The following CFAP44 variants were observed in gnomAD, a reference collection of about 807,000 sequenced individuals.
CFAP44 encodes cilia and flagella associated protein 44.
Under a neutral mutation model 216.2 loss-of-function variants are expected in CFAP44, and 134 were observed. That is an observed-to-expected ratio of 0.62 (90% confidence interval 0.54 to 0.72). The LOEUF (loss-of-function observed/expected upper bound fraction) is 0.72, where lower values mean the gene tolerates loss of function less well. Ranked by LOEUF, CFAP44 falls within the 30% of genes least tolerant of loss-of-function variation. The pLI is 0.00. For missense variants in CFAP44, 2,035 were observed against 2,182.1 expected (o/e 0.93, Z 1.34); for synonymous variants, 700 against 727.6 (o/e 0.96, Z 0.61).
Position 113,363,157 on chromosome 3 carries a change from C to T in CFAP44, c.2922G>A (p.Gln974=). The change falls in exon 21 of 35, where the codon CAG becomes CAA. Residue 974 remains glutamine (Q), a synonymous_variant. Transcript: ENST00000393845. ...EMNEKLPKHM[Q]FKRTDFDVDS... is the part of the protein sequence containing the mutation. ...ATATTAGGCTTACTGTTCGTTTAAA[C>T]TGCATATGCTTTGGTAATTTTTCAT... 6.2e-7 allele frequency: 1 copy of T among 1,600,580 alleles called. No homozygotes were observed. The highest frequency in any genetic ancestry group is 1.7e-5 in the Admixed American group (1 of 57,464).
chr3:113,306,114 T>C lies in CFAP44; in HGVS notation c.4758+87A>G, dbSNP rs1224769067. 4.2e-6 allele frequency: 6 copies of C among 1,420,486 alleles called. No homozygotes were observed. In the East Asian group the frequency reaches 7.7e-5, roughly 18 times the overall value. The allele number at this position is 1,420,486 out of a possible 1,614,324, so 88.0% of individuals were successfully genotyped here. A position where few individuals can be genotyped will look rare whatever the true frequency, so the allele number is the denominator to read the frequency against. ...ATGTTTCTTTTCTGAGAAGTCCTAATATTGTCATTGCTATAAAAAGGCAAT... is the reference window on the plus strand; with the variant it reads ...ATGTTTCTTTTCTGAGAAGTCCTAACATTGTCATTGCTATAAAAAGGCAAT... On this transcript the variant is annotated intron_variant, in intron 30 of 34. Transcript: ENST00000393845.
At chr3:113,423,987 G>A (rs1934891713) in intron 4 of CFAP44, among the ~76,000 whole-genome samples, 1 of 152,214 alleles carries the variant, frequency 6.6e-6, no homozygotes, top group South Asian at 2.1e-4. Context: ...CCACAACTCA[G>A]TAACTGGCTC....
intron 17 of CFAP44, among the ~76,000 whole-genome samples, chr3:113,376,134 C>A (rs1933338415): frequency 6.6e-6 from 1 of 151,972 alleles, no homozygotes; most frequent in African/African-American, 2.4e-5. Flanking sequence ...TACAAGAGAC[C>A]TACTTTCGAT....
At chr3:113,355,507 G>T (rs1934805780) in intron 22 of CFAP44, among the ~76,000 whole-genome samples, 1 of 152,164 alleles carries the variant, frequency 6.6e-6, no homozygotes, top group Non-Finnish European at 1.5e-5. Context: ...GCGACAGAGT[G>T]AGACTCCATC....
intron 21 of CFAP44, among the ~76,000 whole-genome samples, chr3:113,359,431 G>A (rs1950518452): frequency 6.6e-6 from 1 of 152,162 alleles, no homozygotes. Context: ...ATTGTGAGTA[G>A]TAATTATTCT....
intron 6 of CFAP44, among the ~76,000 whole-genome samples, chr3:113,413,758 T>C (rs1164217590): frequency 4.6e-5 from 7 of 152,352 alleles, no homozygotes; most frequent in Non-Finnish European, 1.5e-5. Context: ...TTTTGTTTAC[T>C]GTAGCCTTGT....
At chr3:113,392,209 C>T (rs950137818) in intron 15 of CFAP44, among the ~76,000 whole-genome samples, 4 of 152,110 alleles carry the variant, frequency 2.6e-5, no homozygotes, top group African/African-American at 9.7e-5. Flanking sequence ...AATGTGTACT[C>T]TTCAGCCATA....
chr3:113,385,111 C>G (rs1933611177), intron 15 of CFAP44, among the ~76,000 whole-genome samples: 1 of 152,168 alleles, frequency 6.6e-6, no homozygotes, highest in Non-Finnish European at 1.5e-5. Flanking sequence ...CTTCACAAGA[C>G]TTCTTCTTGC....
chr3:113,418,104 T>C (rs190305974), intron 5 of CFAP44, among the ~76,000 whole-genome samples: 1 of 146,574 alleles, frequency 6.8e-6, no homozygotes, highest in Admixed American at 6.9e-5. Flanking sequence ...ACAATTTATT[T>C]ATTGAGACTC....
chr3:113,351,913 A>C (rs1950448716), intron 22 of CFAP44, among the ~76,000 whole-genome samples: 1 of 152,178 alleles, frequency 6.6e-6, no homozygotes, highest in African/African-American at 2.4e-5. Context: ...GGACTCCTGG[A>C]TTGACCCACT....
At chr3:113,346,657 G>C (rs1172746851) in intron 22 of CFAP44, among the ~76,000 whole-genome samples, 2 of 151,590 alleles carry the variant, frequency 1.3e-5, no homozygotes, top group Non-Finnish European at 2.9e-5. Context: ...TCTAGCTAAA[G>C]GATTGTAAGT....
At chr3:113,366,370 A>G in intron 18 of CFAP44, 61 bp from the exon 19 acceptor site, 1 of 1,540,644 alleles carries the variant, frequency 6.5e-7, no homozygotes. Context: ...CTTAATTTCA[A>G]CTTAATTGAC....
chr3:113,361,249 T>C (rs1228623539), intron 21 of CFAP44: 5 of 218,538 alleles, frequency 2.3e-5, no homozygotes, highest in Non-Finnish European at 4.9e-5. Flanking sequence ...ATTTCATCTG[T>C]CAGTCCTACT....
At position 113,326,463 on chromosome 3, in the gene CFAP44, C is replaced by A; in HGVS notation, c.4498G>T (p.Glu1500Ter). Residue 1500 changes from glutamate (E) to a stop codon, truncating the protein, a stop_gained, in exon 28 of 35, where the codon GAA (glutamate) becomes TAA (stop). Transcript: ENST00000393845. LOFTEE classifies it high-confidence loss of function. ...TACAAACCAGCATCTCCTTCAACTT[C>A]TTTTTTCTTTACCCGTTTAATCTTC... ...KKKIKRVKKKEVEGDADEDEE... is the reference protein window; with the variant it reads ...KKKIKRVKKK 1 of 1,502,468 alleles carries A rather than the reference C, an allele frequency of 6.7e-7. No homozygotes were observed. Among genetic ancestry groups the A allele is most frequent in the Non-Finnish European group, 8.8e-7 (1 of 1,135,584 alleles). 93.1% of individuals were successfully genotyped at this position (1,502,468 alleles called of 1,614,324 possible). A position where few individuals can be genotyped will look rare whatever the true frequency, so the allele number is the denominator to read the frequency against.
intron 28 of CFAP44, 107 bp downstream of exon 28, chr3:113,326,338 T>C: frequency 1.9e-6 from 2 of 1,047,716 alleles, no homozygotes; most frequent in Non-Finnish European, 2.6e-6. Context: ...CTCTACATTG[T>C]CCATGTTATA....
intron 21 of CFAP44, chr3:113,360,154 A>G (rs1270757230): frequency 2.0e-5 from 3 of 152,290 alleles, no homozygotes; most frequent in African/African-American, 7.2e-5. Context: ...TCTGCTTCCA[A>G]ACCAAGCAGT....
At chr3:113,436,184 C>T (rs1935235713) in intron 1 of CFAP44, among the ~76,000 whole-genome samples, 1 of 152,194 alleles carries the variant, frequency 6.6e-6, no homozygotes, top group South Asian at 2.1e-4. Flanking sequence ...TCTATTCCTT[C>T]CAGTTTGGGA....
chr3:113,288,954 A>G lies in CFAP44; in HGVS notation c.*2603T>C, dbSNP rs556100754. Reference sequence around the variant, plus strand: ...AAGAGCCAAGTTATATGAACAATTGACCCACAAGTAACTCAGTGTAGGCTG... The same window carrying G: ...AAGAGCCAAGTTATATGAACAATTGGCCCACAAGTAACTCAGTGTAGGCTG... On this transcript the variant is annotated 3_prime_UTR_variant, in exon 35 of 35. Coordinates refer to ENST00000393845, the MANE Select transcript of CFAP44 (RefSeq NM_001164496.2). The G allele has an allele frequency of 8.0e-4, 122 of 152,288 alleles. No homozygotes were observed. Among genetic ancestry groups the G allele is most frequent in the African/African-American group, 2.7e-3 (113 of 41,550 alleles). 9.4% of individuals were successfully genotyped at this position (152,288 alleles called of 1,614,324 possible).
rs1263952591 is a variant in CFAP44 at position 113,291,305 on chromosome 3, C to G, written c.*252G>C. The G allele has an allele frequency of 2.6e-5, 9 of 345,440 alleles. No individual in the cohort carries two copies. The highest frequency in any genetic ancestry group is 4.4e-5 in the East Asian group (1 of 22,492). The allele number at this position is 345,440 out of a possible 1,614,324, so 21.4% of individuals were successfully genotyped here. The stretch of plus-strand genomic sequence containing the variant: ...AATCATGAAACACAGCCTTCCGAGA[C>G]TTCATATTCAATCTAGTAGGTTCGA... On this transcript the variant is annotated 3_prime_UTR_variant, in exon 35 of 35. Transcript: ENST00000393845.
Sources: allele counts gnomAD v4.1 joint callset (sites outside exome capture counted in the v4.1 genomes callset), GRCh38; gene constraint gnomAD v4.1.1; transcripts MANE v1.5; gene names NCBI Gene and HGNC (gene_info 2026-07-23, HGNC 2026-07-21).